The following UBL3 variants were observed in gnomAD, a reference collection of about 807,000 sequenced individuals.
The protein encoded by UBL3 is ubiquitin-like protein 3.
Under a neutral mutation model 18.4 loss-of-function variants are expected in UBL3, and 6 were observed. That is an observed-to-expected ratio of 0.33 (90% CI 0.18 to 0.64). The LOEUF (loss-of-function observed/expected upper bound fraction) is 0.64. Among genes scored for constraint, UBL3 ranks in the 30% least tolerant of loss-of-function variants. The pLI, the probability that UBL3 is intolerant of heterozygous loss-of-function variation, is 0.76. For synonymous variants in UBL3, 49 were observed against 46.6 expected (o/e 1.05, Z -0.21); for missense variants, 109 against 142.9 (o/e 0.76, Z 1.21).
Position 29,797,619 on chromosome 13 carries a change from C to T in UBL3, c.28-20356G>A, listed in dbSNP as rs539267357. Among the ~76,000 whole-genome samples, 217 of 152,166 alleles carry T rather than the reference C, an allele frequency of 1.4e-3. 1 individual carries two copies. The highest frequency in any genetic ancestry group is 4.5e-3 in the African/African-American group (187 of 41,536). ...CTACATGCATTTGGGAGGCACATTA[C>T]GTAAGTGTTGATTTACCTTTTATGA... On this transcript the variant is annotated intron_variant, in intron 1 of 4. Coordinates refer to ENST00000380680, the MANE Select transcript of UBL3 (RefSeq NM_007106.4).
At chr13:29,772,262 G>C in intron 2 of UBL3, 64 bp from the exon 3 acceptor site, 1 of 1,131,440 alleles carries the variant, frequency 8.8e-7, no homozygotes. Flanking sequence ...CTACTATATT[G>C]TTTTAAAAAT....
At chr13:29,804,442 C>T (rs1377635665) in intron 1 of UBL3, among the ~76,000 whole-genome samples, 11 of 151,786 alleles carry the variant, frequency 7.2e-5, no homozygotes, top group Non-Finnish European at 1.5e-5. Flanking sequence ...AAATTAAGCC[C>T]AAAACTAGCC....
chr13:29,781,021 A>G (rs985966185), intron 1 of UBL3, among the ~76,000 whole-genome samples: 4 of 152,126 alleles, frequency 2.6e-5, no homozygotes, highest in African/African-American at 9.7e-5. Flanking sequence ...TAAAAATACA[A>G]AATATTAGCA....
intron 1 of UBL3, among the ~76,000 whole-genome samples, chr13:29,848,938 T>A (rs1476042389): frequency 6.6e-6 from 1 of 152,210 alleles, no homozygotes; most frequent in African/African-American, 2.4e-5. Context: ...CAATACAGGG[T>A]CAGCCTACGT....
At chr13:29,806,912 T>C (rs1034329436) in intron 1 of UBL3, among the ~76,000 whole-genome samples, 1 of 152,214 alleles carries the variant, frequency 6.6e-6, no homozygotes, top group Non-Finnish European at 1.5e-5. Flanking sequence ...AACCTCTATC[T>C]TGTTCTTTCC....
chr13:29,847,273 C>A (rs1879252185), intron 1 of UBL3, among the ~76,000 whole-genome samples: 1 of 152,174 alleles, frequency 6.6e-6, no homozygotes, highest in African/African-American at 2.4e-5. Flanking sequence ...ATACTCAGAA[C>A]AATCAAACCT....
At chr13:29,838,728 T>C (rs1879020725) in intron 1 of UBL3, among the ~76,000 whole-genome samples, 1 of 152,146 alleles carries the variant, frequency 6.6e-6, no homozygotes, top group African/African-American at 2.4e-5. Context: ...AAGGGAAAGT[T>C]ATAAAGGACT....
chr13:29,828,458 C>G (rs2139356323), intron 1 of UBL3, among the ~76,000 whole-genome samples: 1 of 152,336 alleles, frequency 6.6e-6, no homozygotes, highest in African/African-American at 2.4e-5. Context: ...TTTCTTCCAG[C>G]TGATCGAATC....
chr13:29,828,391 C>G (rs1348841710), intron 1 of UBL3, among the ~76,000 whole-genome samples: 1 of 152,092 alleles, frequency 6.6e-6, no homozygotes, highest in African/African-American at 2.4e-5. Context: ...ACTCTTTTTT[C>G]TCTAAACTTC....
intron 1 of UBL3, among the ~76,000 whole-genome samples, chr13:29,834,456 A>T (rs1011806691): frequency 2.0e-5 from 3 of 152,090 alleles, no homozygotes; most frequent in Non-Finnish European, 4.4e-5. Flanking sequence ...TGGAAAAATC[A>T]CTCACAATAA....
At chr13:29,822,818 T>A (rs749858544) in intron 1 of UBL3, among the ~76,000 whole-genome samples, 23 of 152,174 alleles carry the variant, frequency 1.5e-4, no homozygotes, top group Non-Finnish European at 3.1e-4. Context: ...GAGTGTAAAT[T>A]GCCTACACAA....
chr13:29,824,521 C>G (rs956944325), intron 1 of UBL3, among the ~76,000 whole-genome samples: 1 of 152,188 alleles, frequency 6.6e-6, no homozygotes, highest in African/African-American at 2.4e-5. Flanking sequence ...TGAGAAGTGT[C>G]TGTTCATATC....
chr13:29,815,828 C>T (rs1280132072), intron 1 of UBL3, among the ~76,000 whole-genome samples: 1 of 152,162 alleles, frequency 6.6e-6, no homozygotes, highest in Non-Finnish European at 1.5e-5. Context: ...GAACTGAACT[C>T]ATACAGGTCT....
At chr13:29,771,397 T>G (rs948247366) in intron 3 of UBL3, among the ~76,000 whole-genome samples, 24 of 152,092 alleles carry the variant, frequency 1.6e-4, no homozygotes, top group Non-Finnish European at 7.4e-5. Flanking sequence ...TCCAATCATA[T>G]ATAAAGAACA....
At chr13:29,816,641 A>G (rs1878289759) in intron 1 of UBL3, among the ~76,000 whole-genome samples, 1 of 151,348 alleles carries the variant, frequency 6.6e-6, no homozygotes, top group Non-Finnish European at 1.5e-5. Flanking sequence ...TGTGGTCCCA[A>G]CTACTCAGGA....
chr13:29,821,940 GTTAAA>G (rs1379724200), intron 1 of UBL3, among the ~76,000 whole-genome samples: 4 of 149,548 alleles, frequency 2.7e-5, no homozygotes, highest in Admixed American at 2.0e-4. Flanking sequence ...AAAGCTCTTT[GTTAAA>G]TTAAATTACC....
At chr13:29,799,298 G>A (rs1232202883) in intron 1 of UBL3, among the ~76,000 whole-genome samples, 2 of 152,228 alleles carry the variant, frequency 1.3e-5, no homozygotes, top group African/African-American at 4.8e-5. Flanking sequence ...TGCCTTGGTT[G>A]AGAATCACGG....
In UBL3 at chr13:29,843,921, G is replaced by A. The variant is rs138078733; in HGVS notation, c.27+5591C>T. Among the ~76,000 whole-genome samples, 19 of 152,224 alleles carry A rather than the reference G, an allele frequency of 1.2e-4. No homozygotes were observed. The East Asian group carries it at 1.3e-3, about 11-fold the overall frequency. On this transcript the variant is annotated intron_variant, in intron 1 of 4. Transcript: ENST00000380680. Reference sequence around the variant, plus strand: ...ATTTTTGGTAGCCTCTTGTCATCACGGATAAGAACAGCATATAGAATACTC... The same window carrying A: ...ATTTTTGGTAGCCTCTTGTCATCACAGATAAGAACAGCATATAGAATACTC...
At chr13:29,772,816 C>A in intron 2 of UBL3, among the ~76,000 whole-genome samples, 1 of 151,966 alleles carries the variant, frequency 6.6e-6, no homozygotes, top group Middle Eastern at 3.2e-3. Flanking sequence ...TTTGGAGGTA[C>A]TGTACAAACA....
Sources: gnomAD v4.1 joint callset for allele counts (sites outside exome capture counted in the v4.1 genomes callset) on GRCh38, gnomAD v4.1.1 for gene constraint, MANE v1.5 for transcripts, NCBI Gene and HGNC (gene_info 2026-07-23, HGNC 2026-07-21) for gene names.